The following GRIK1 variants were observed in gnomAD, a reference collection of about 807,000 sequenced individuals.
The protein encoded by GRIK1 is glutamate ionotropic receptor kainate type subunit 1, also known as glutamate receptor ionotropic, kainate 1.
Under a neutral mutation model 105.7 loss-of-function variants are expected in GRIK1, and 69 were observed. That is an observed-to-expected ratio of 0.65 (90% CI 0.54 to 0.80). The LOEUF is 0.80. Ranked by LOEUF, GRIK1 falls within the 30% of genes least tolerant of loss-of-function variation. GRIK1 has a pLI of 0.00. For synonymous variants in GRIK1, 438 were observed against 431.3 expected (o/e 1.02, Z -0.19); for missense variants, 1,109 against 1,167.3 (o/e 0.95, Z 0.73).
chr21:29,710,346 TG>T (rs1174501222), intron 1 of GRIK1, among the ~76,000 whole-genome samples: 2 of 151,984 alleles, frequency 1.3e-5, no homozygotes, highest in Non-Finnish European at 2.9e-5. Context: ...TTTTGTGTAT[TG>T]GCCTTGTCAA....
intron 1 of GRIK1, among the ~76,000 whole-genome samples, chr21:29,870,526 A>G (rs1458874258): frequency 6.6e-6 from 1 of 151,352 alleles, no homozygotes; most frequent in Non-Finnish European, 1.5e-5. Context: ...AATAATACAT[A>G]TAACATATTT....
intron 14 of GRIK1, among the ~76,000 whole-genome samples, chr21:29,573,696 A>T (rs929390947): frequency 7.2e-5 from 11 of 152,104 alleles, no homozygotes; most frequent in African/African-American, 2.7e-4. Flanking sequence ...TTAAAATAAA[A>T]AAATTAGCCA....
At chr21:29,813,139 T>C (rs997044106) in intron 1 of GRIK1, among the ~76,000 whole-genome samples, 3 of 152,140 alleles carry the variant, frequency 2.0e-5, no homozygotes, top group Non-Finnish European at 4.4e-5. Context: ...CGCATGTAAA[T>C]GTTTGCAATA....
chr21:29,588,492 C>T (rs2061280008), intron 11 of GRIK1, among the ~76,000 whole-genome samples: 1 of 152,132 alleles, frequency 6.6e-6, no homozygotes, highest in Non-Finnish European at 1.5e-5. Context: ...ATTCTCTCAC[C>T]TGCCACCCTG....
At chr21:29,613,988 C>T (rs1472281045) in intron 7 of GRIK1, among the ~76,000 whole-genome samples, 1 of 152,026 alleles carries the variant, frequency 6.6e-6, no homozygotes, top group Non-Finnish European at 1.5e-5. Context: ...TAGGTTTGCC[C>T]CCAAAGATCC....
chr21:29,772,291 C>G (rs1311353884), intron 1 of GRIK1, among the ~76,000 whole-genome samples: 1 of 152,118 alleles, frequency 6.6e-6, no homozygotes, highest in African/African-American at 2.4e-5. Context: ...GAAGTGTTTG[C>G]TGCCCTTTTT....
rs138811429 is a variant in GRIK1 at position 29,558,398 on chromosome 21, A to G, written c.2357-3096T>C. On this transcript the variant is annotated intron_variant, in intron 15 of 17. Transcript: ENST00000327783. ...ATTTCACACACACACACACACACAC[A>G]TATCTTCCTGAATAGCAACTAATCT... 2.6e-3 allele frequency among the ~76,000 whole-genome samples: 388 copies of G among 147,424 alleles called. 2 individuals are homozygous for G. Among genetic ancestry groups the G allele is most frequent in the African/African-American group, 7.2e-3 (270 of 37,610 alleles).
intron 1 of GRIK1, among the ~76,000 whole-genome samples, chr21:29,789,010 C>T (rs924197650): frequency 2.0e-5 from 3 of 152,190 alleles, no homozygotes; most frequent in Non-Finnish European, 2.9e-5. Context: ...GGTTGGGGAC[C>T]TCTGTTACAG....
chr21:29,550,107 C>CAAAAAAAAAAAAAAAAAAAAA (rs34939329), intron 16 of GRIK1, among the ~76,000 whole-genome samples: 1 of 53,488 alleles, frequency 1.9e-5, no homozygotes, highest in African/African-American at 8.5e-5. Flanking sequence ...GACTCCATCT[C>CAAAAAAAAAAAAAAAAAAAAA]AAAAAAAAAA....
chr21:29,808,299 T>C (rs2066917251), intron 1 of GRIK1, among the ~76,000 whole-genome samples: 1 of 152,128 alleles, frequency 6.6e-6, no homozygotes, highest in African/African-American at 2.4e-5. Context: ...TGAGTTCCAG[T>C]GATCTGCTCC....
intron 15 of GRIK1, among the ~76,000 whole-genome samples, chr21:29,560,400 C>CTTTCTTTCTTTCTTTCTTTCTTT (rs1601112863): frequency 4.5e-5 from 3 of 67,122 alleles, no homozygotes; most frequent in African/African-American, 2.8e-4. Flanking sequence ...TTCCTTCCTT[C>CTTTCTTTCTTTCTTTCTTTCTTT]CTTTCTTTCT....
At chr21:29,540,249 C>A (rs1187449323) in intron 16 of GRIK1, among the ~76,000 whole-genome samples, 1 of 152,194 alleles carries the variant, frequency 6.6e-6, no homozygotes, top group Non-Finnish European at 1.5e-5. Flanking sequence ...TAAAGTACAA[C>A]AAACATCTTT....
chr21:29,892,692 A>T (rs1301461380), intron 1 of GRIK1, among the ~76,000 whole-genome samples: 1 of 152,204 alleles, frequency 6.6e-6, no homozygotes, highest in Admixed American at 6.5e-5. Flanking sequence ...GGCTCCCTTA[A>T]GCCCTTAGGT....
chr21:29,603,979 A>G (rs544630960), intron 7 of GRIK1, among the ~76,000 whole-genome samples: 1 of 152,284 alleles, frequency 6.6e-6, no homozygotes, highest in East Asian at 1.9e-4. Flanking sequence ...TTGTGAGTCA[A>G]TTTGGTACAT....
intron 7 of GRIK1, among the ~76,000 whole-genome samples, chr21:29,614,212 G>A (rs2061790687): frequency 6.6e-6 from 1 of 152,050 alleles, no homozygotes; most frequent in African/African-American, 2.4e-5. Flanking sequence ...AAGTACCAGG[G>A]CTGTACCCAT....
intron 14 of GRIK1, among the ~76,000 whole-genome samples, chr21:29,574,683 C>CT (rs71191118): frequency 0.042 from 4,157 of 98,414 alleles, 304 homozygotes; most frequent in African/African-American, 0.11. Context: ...TGATACACTT[C>CT]TTTTTTTTTT....
chr21:29,872,196 T>C (rs1349616602), intron 1 of GRIK1, among the ~76,000 whole-genome samples: 5 of 147,618 alleles, frequency 3.4e-5, no homozygotes, highest in African/African-American at 5.0e-5. Flanking sequence ...TCACTTCTTT[T>C]TTTTTTTTTT....
chr21:29,789,027 G>C (rs1160845387), intron 1 of GRIK1, among the ~76,000 whole-genome samples: 2 of 152,214 alleles, frequency 1.3e-5, no homozygotes, highest in Non-Finnish European at 2.9e-5. Flanking sequence ...ACAGACCACT[G>C]AAAATAATGG....
intron 1 of GRIK1, among the ~76,000 whole-genome samples, chr21:29,903,454 T>G (rs2070487374): frequency 6.6e-6 from 1 of 151,620 alleles, no homozygotes; most frequent in African/African-American, 2.4e-5. Flanking sequence ...GCAAACAACC[T>G]CATCAAAAAA....
Sources: allele counts gnomAD v4.1 joint callset (sites outside exome capture counted in the v4.1 genomes callset), GRCh38; gene constraint gnomAD v4.1.1; transcripts MANE v1.5; gene names NCBI Gene and HGNC (gene_info 2026-07-23, HGNC 2026-07-21).